Variants in ADCK1 observed in about 807,000 individuals in gnomAD.
The protein encoded by ADCK1 is aarF domain containing kinase 1, also known as aarF domain-containing protein kinase 1.
Under a neutral mutation model 52.3 loss-of-function variants are expected in ADCK1, and 41 were observed. The ratio of observed to expected loss-of-function variants is 0.78; its 90% confidence interval spans 0.61 to 1.02. ADCK1 has a LOEUF of 1.02. Ranked by LOEUF, ADCK1 falls within the 50% of genes least tolerant of loss-of-function variation. ADCK1 has a pLI of 0.00. For synonymous variants in ADCK1, 250 were observed against 274.6 expected, an observed-to-expected ratio of 0.91 and a Z score of 0.89; for missense variants, 658 against 679.5, an observed-to-expected ratio of 0.97 and a Z score of 0.35.
chr14:77,861,381 G>A (rs919174449), intron 4 of ADCK1, among the ~76,000 whole-genome samples: 2 of 152,014 alleles, frequency 1.3e-5, no homozygotes, highest in Admixed American at 1.3e-4. Context: ...GGGGAGCGGG[G>A]CCATGTGGGA....
Position 77,873,619 on chromosome 14 carries a change from G to A in ADCK1, c.424-13472G>A, listed in dbSNP as rs909644866. ...TGATATGCTTTGGCTGTGTCCCCAT[G>A]CAAGTCTCATCTTGAATTGTAGCTC... On this transcript the variant is annotated intron_variant, in intron 4 of 10. Coordinates refer to ENST00000238561, the MANE Select transcript of ADCK1 (RefSeq NM_020421.4). Among the ~76,000 whole-genome samples the A allele has an allele frequency of 5.9e-5, 9 of 152,178 alleles. No individual in the cohort carries two copies. In the East Asian group the frequency reaches 1.5e-3, roughly 26 times the overall value.
At chr14:77,812,209 A>T (rs759097296) in intron 1 of ADCK1, among the ~76,000 whole-genome samples, 1 of 152,166 alleles carries the variant, frequency 6.6e-6, no homozygotes, top group Non-Finnish European at 1.5e-5. Context: ...TAGAGTTTCC[A>T]TGTTGTACAT....
At chr14:77,921,345 A>AAAAAAAAAAAAAAAAAAAAC (rs2084053605) in intron 7 of ADCK1, among the ~76,000 whole-genome samples, 1 of 148,156 alleles carries the variant, frequency 6.7e-6, no homozygotes, top group Non-Finnish European at 1.5e-5. Context: ...AAAAAAAAAA[A>AAAAAAAAAAAAAAAAAAAAC]AAAGAAAAAA....
chr14:77,808,619 A>G (rs1042310463), intron 1 of ADCK1, among the ~76,000 whole-genome samples: 8 of 152,238 alleles, frequency 5.3e-5, no homozygotes, highest in Admixed American at 2.0e-4. Flanking sequence ...CTTGTTGCCC[A>G]GGCTGGAGTG....
chr14:77,918,041 G>A (rs1189856717), intron 7 of ADCK1, among the ~76,000 whole-genome samples: 2 of 152,180 alleles, frequency 1.3e-5, no homozygotes, highest in African/African-American at 4.8e-5. Flanking sequence ...GTTTAATGCA[G>A]AGGATGGCAG....
At chr14:77,807,656 T>C (rs1307460924) in intron 1 of ADCK1, among the ~76,000 whole-genome samples, 3 of 151,782 alleles carry the variant, frequency 2.0e-5, no homozygotes, top group Non-Finnish European at 4.4e-5. Context: ...ATTACAGGCA[T>C]GTGCCACCAC....
intron 3 of ADCK1, among the ~76,000 whole-genome samples, chr14:77,841,785 A>G (rs1469216800): frequency 6.8e-6 from 1 of 147,272 alleles, no homozygotes; most frequent in Non-Finnish European, 1.5e-5. Context: ...TGGAGGTTGC[A>G]CTGAGCCGAG....
chr14:77,915,097 C>T (rs113379082), intron 7 of ADCK1, among the ~76,000 whole-genome samples: 3,569 of 152,192 alleles, frequency 0.023, 110 homozygotes, highest in African/African-American at 0.072. Flanking sequence ...AGAGCAGCTG[C>T]GGAGGCATGA....
intron 7 of ADCK1, among the ~76,000 whole-genome samples, chr14:77,918,708 G>A (rs1302078948): frequency 6.6e-6 from 1 of 152,204 alleles, no homozygotes; most frequent in Non-Finnish European, 1.5e-5. Flanking sequence ...GGCCAGGAGA[G>A]TGTGGTGTGA....
chr14:77,877,271 A>C (rs1407107428), intron 4 of ADCK1, among the ~76,000 whole-genome samples: 1 of 152,228 alleles, frequency 6.6e-6, no homozygotes, highest in Non-Finnish European at 1.5e-5. Context: ...GCTCCGAGGC[A>C]AGCATCATAG....
At chr14:77,900,883 CACTT>C (rs2083522752) in intron 6 of ADCK1, among the ~76,000 whole-genome samples, 1 of 152,134 alleles carries the variant, frequency 6.6e-6, no homozygotes, top group Admixed American at 6.5e-5. Flanking sequence ...TAATAAGAGA[CACTT>C]AATGTGGGAA....
At chr14:77,882,680 G>T (rs969548010) in intron 4 of ADCK1, among the ~76,000 whole-genome samples, 1 of 152,208 alleles carries the variant, frequency 6.6e-6, no homozygotes, top group Non-Finnish European at 1.5e-5. Flanking sequence ...GAGGCGTCGT[G>T]TGGTTTCTCT....
intron 1 of ADCK1, among the ~76,000 whole-genome samples, chr14:77,812,166 C>A (rs1416117165): frequency 6.6e-6 from 1 of 152,130 alleles, no homozygotes; most frequent in Non-Finnish European, 1.5e-5. Context: ...GCTCTCTCAG[C>A]AAATTTCAAG....
intron 9 of ADCK1, among the ~76,000 whole-genome samples, chr14:77,927,934 G>A (rs760811519): frequency 3.3e-5 from 5 of 152,226 alleles, no homozygotes; most frequent in African/African-American, 4.8e-5. Flanking sequence ...GAGCAGGAGA[G>A]GGAGATGCCC....
At chr14:77,924,634 T>C (rs777380814) in intron 8 of ADCK1, 28 bp downstream of exon 8, 55 of 1,608,616 alleles carry the variant, frequency 3.4e-5, no homozygotes, top group Middle Eastern at 3.5e-4. Flanking sequence ...TACCCAGCCC[T>C]GGGGCCTCTG....
intron 7 of ADCK1, among the ~76,000 whole-genome samples, chr14:77,919,947 C>A (rs560847047): frequency 1.3e-5 from 2 of 152,022 alleles, no homozygotes; most frequent in South Asian, 4.2e-4. Context: ...TCTTTTCTTG[C>A]TGATTTGTTT....
chr14:77,819,238 A>G (rs1279006557), intron 2 of ADCK1, 125 bp downstream of exon 2: 9 of 1,353,220 alleles, frequency 6.7e-6, no homozygotes, highest in Non-Finnish European at 9.2e-6. Flanking sequence ...TACATGTGCA[A>G]AAGCTACATC....
intron 3 of ADCK1, among the ~76,000 whole-genome samples, chr14:77,853,022 G>A (rs1352105695): frequency 6.9e-5 from 10 of 144,158 alleles, no homozygotes; most frequent in African/African-American, 2.1e-4. Context: ...AAAGTGCTGG[G>A]ATTACAGGTG....
intron 7 of ADCK1, among the ~76,000 whole-genome samples, chr14:77,912,402 C>A (rs1424387793): frequency 6.6e-6 from 1 of 150,720 alleles, no homozygotes; most frequent in East Asian, 1.9e-4. Flanking sequence ...CAACTAACAT[C>A]AAAGCCACGG....
Sources: allele counts gnomAD v4.1 joint callset (sites outside exome capture counted in the v4.1 genomes callset), GRCh38; gene constraint gnomAD v4.1.1; transcripts MANE v1.5; gene names NCBI Gene and HGNC (gene_info 2026-07-23, HGNC 2026-07-21).